Variants in WDR41 observed in about 807,000 individuals in gnomAD.
The protein encoded by WDR41 is WD repeat-containing protein 41.
Under a neutral mutation model 69.3 loss-of-function variants are expected in WDR41, and 63 were observed. That is an observed-to-expected ratio of 0.91 (90% confidence interval 0.74 to 1.12). The LOEUF is 1.12. Among genes scored for constraint, WDR41 ranks in the 50% most tolerant of loss-of-function variants. The pLI, the probability that WDR41 is intolerant of heterozygous loss-of-function variation, is 0.00. For synonymous variants in WDR41, 185 were observed against 192.1 expected (o/e 0.96, Z 0.31); for missense variants, 543 against 534.5 (o/e 1.02, Z -0.16).
intron 1 of WDR41, among the ~76,000 whole-genome samples, chr5:77,566,719 T>G (rs1158910500): frequency 6.6e-6 from 1 of 152,160 alleles, no homozygotes; most frequent in Non-Finnish European, 1.5e-5. Flanking sequence ...AATTTGTTTA[T>G]GTCAGGATAA....
chr5:77,593,746 G>A (rs1355498448), intron 1 of WDR41, among the ~76,000 whole-genome samples: 1 of 152,042 alleles, frequency 6.6e-6, no homozygotes, highest in African/African-American at 2.4e-5. Context: ...CTTAAGTGAT[G>A]GAGCAAGGCC....
intron 1 of WDR41, chr5:77,491,128 T>G (rs1406802602): frequency 2.5e-6 from 1 of 397,166 alleles, no homozygotes; most frequent in Non-Finnish European, 5.1e-6. Context: ...CTGCCCCGCC[T>G]TAACTGATGA....
intron 1 of WDR41, among the ~76,000 whole-genome samples, chr5:77,580,087 TTAGA>T (rs750141365): frequency 2.2e-4 from 34 of 151,652 alleles, no homozygotes; most frequent in Non-Finnish European, 4.0e-4. Flanking sequence ...GATAGATAGA[TTAGA>T]TAGATAGACA....
chr5:77,501,510 C>G (rs1283290632), intron 1 of WDR41, among the ~76,000 whole-genome samples: 4 of 152,248 alleles, frequency 2.6e-5, no homozygotes, highest in Non-Finnish European at 5.9e-5. Context: ...TCTGACAGCT[C>G]TGAAGAGAGC....
chr5:77,495,124 G>A (rs1314435343), upstream of WDR41, among the ~76,000 whole-genome samples: 3 of 151,800 alleles, frequency 2.0e-5, no homozygotes, highest in South Asian at 2.1e-4. Context: ...TACGGGATGC[G>A]GTAAAAGCAG....
intron 1 of WDR41, among the ~76,000 whole-genome samples, chr5:77,539,097 T>A (rs1244029235): frequency 6.6e-6 from 1 of 152,104 alleles, no homozygotes; most frequent in Non-Finnish European, 1.5e-5. Flanking sequence ...ATCTTTCTGG[T>A]ATCTCTTTTT....
At chr5:77,600,077 TC>T in intron 1 of WDR41, among the ~76,000 whole-genome samples, 1 of 152,208 alleles carries the variant, frequency 6.6e-6, no homozygotes, top group East Asian at 1.9e-4. Flanking sequence ...CATGGCCTAT[TC>T]CTAAAGAAAA....
At chr5:77,437,553 TCACAA>T (rs1798991782) in intron 10 of WDR41, 129 bp from the exon 11 acceptor site, 1 of 825,670 alleles carries the variant, frequency 1.2e-6, no homozygotes, top group Non-Finnish European at 2.0e-6. Flanking sequence ...CTGACAAAAA[TCACAA>T]TTTAGCATGA....
chr5:77,433,400 G>C, intron 12 of WDR41, 113 bp from the exon 13 acceptor site: 1 of 839,652 alleles, frequency 1.2e-6, no homozygotes, highest in Non-Finnish European at 1.7e-6. Flanking sequence ...CTTTGGATCT[G>C]GGTGTAGAAC....
chr5:77,534,724 CT>C (rs1214090816), intron 1 of WDR41, among the ~76,000 whole-genome samples: 1 of 147,684 alleles, frequency 6.8e-6, no homozygotes, highest in African/African-American at 2.5e-5. Context: ...GTGAGCCACA[CT>C]GACCTGGCCT....
At chr5:77,506,424 T>A (rs986909996) in intron 1 of WDR41, among the ~76,000 whole-genome samples, 7 of 152,176 alleles carry the variant, frequency 4.6e-5, no homozygotes. Flanking sequence ...TAGGAATGAT[T>A]TTACACTGTT....
chr5:77,596,378 C>T (rs1240079392), intron 1 of WDR41, among the ~76,000 whole-genome samples: 3 of 152,132 alleles, frequency 2.0e-5, no homozygotes, highest in Admixed American at 1.3e-4. Flanking sequence ...GATCTCTTGA[C>T]CTCGTGATCC....
At chr5:77,604,406 C>A (rs1744377413) in intron 1 of WDR41, among the ~76,000 whole-genome samples, 1 of 152,152 alleles carries the variant, frequency 6.6e-6, no homozygotes, top group African/African-American at 2.4e-5. Flanking sequence ...CTCAGAGAAA[C>A]TTCTCTAGTA....
At position 77,492,240 on chromosome 5, in the gene WDR41, TG is replaced by T. The variant is rs1343144693; in HGVS notation, c.-21del. The T allele has an allele frequency of 2.5e-6, 4 of 1,612,154 alleles. No homozygotes were observed. Among genetic ancestry groups the T allele is most frequent in the Non-Finnish European group, 3.4e-6 (4 of 1,179,556 alleles). On this transcript the variant is annotated 5_prime_UTR_variant, in exon 1 of 13. Transcript: ENST00000296679. ...CAACATCCGGGCAGCGGCGGCGTCT[TG>T]CCCGGTCCAGCCCCAGTCAGCCCAA... is the stretch of plus-strand genomic sequence containing the variant.
intron 2 of WDR41, 57 bp from the exon 3 acceptor site, chr5:77,464,866 G>T (rs1800236136): frequency 6.5e-7 from 1 of 1,543,330 alleles, no homozygotes; most frequent in Admixed American, 1.7e-5. Flanking sequence ...TAATTACTAA[G>T]ATTAAGAACT....
intron 1 of WDR41, among the ~76,000 whole-genome samples, chr5:77,587,376 G>T (rs966128750): frequency 2.6e-5 from 4 of 152,092 alleles, no homozygotes; most frequent in African/African-American, 9.7e-5. Context: ...GAGTCAAATT[G>T]CTGGGTCTTA....
chr5:77,583,373 G>A (rs1324141601), intron 1 of WDR41, among the ~76,000 whole-genome samples: 1 of 151,518 alleles, frequency 6.6e-6, no homozygotes, highest in Non-Finnish European at 1.5e-5. Context: ...AATTAGCCAG[G>A]TACAGTGGCC....
chr5:77,592,262 T>G (rs1434463989), intron 1 of WDR41, among the ~76,000 whole-genome samples: 1 of 152,188 alleles, frequency 6.6e-6, no homozygotes, highest in Non-Finnish European at 1.5e-5. Context: ...TAGTTAGATT[T>G]TTTTAAATTG....
intron 1 of WDR41, among the ~76,000 whole-genome samples, chr5:77,569,369 A>AT (rs1743691868): frequency 6.6e-6 from 1 of 152,086 alleles, no homozygotes; most frequent in African/African-American, 2.4e-5. Context: ...CATGCAACTA[A>AT]TTTTTTCCTA....
Sources: allele counts gnomAD v4.1 joint callset (sites outside exome capture counted in the v4.1 genomes callset), GRCh38; gene constraint gnomAD v4.1.1; transcripts MANE v1.5; gene names NCBI Gene and HGNC (gene_info 2026-07-23, HGNC 2026-07-21).